The following SDHC variants were observed in gnomAD, a reference collection of about 807,000 sequenced individuals.
The protein encoded by SDHC is succinate dehydrogenase cytochrome b560 subunit, mitochondrial.
In SDHC, 11 loss-of-function variants were observed where a neutral mutation model predicts 22.6. The ratio of observed to expected loss-of-function variants is 0.49; its 90% confidence interval spans 0.31 to 0.81. SDHC has a LOEUF of 0.81. SDHC is among the 30% of genes least tolerant of loss of function. The pLI is 0.05. For missense variants in SDHC, 160 were observed against 212.0 expected, an observed-to-expected ratio of 0.75 and a Z score of 1.52; for synonymous variants, 80 against 77.8, an observed-to-expected ratio of 1.03 and a Z score of -0.15.
In SDHC at chr1:161,329,300, A is replaced by C. The variant is rs367681728; in HGVS notation, c.179+803A>C. On this transcript the variant is annotated intron_variant, in intron 3 of 5. Coordinates refer to ENST00000367975, the MANE Select transcript of SDHC (RefSeq NM_003001.5). ...AAGAAGAAGTTGCAATGATGATGAT[A>C]TCCAAGTATTATTCCTGTATTTGTT... Among the ~76,000 whole-genome samples, 8 of 152,160 alleles carry C rather than the reference A, an allele frequency of 5.3e-5. No homozygotes were observed. The East Asian group carries it at 1.4e-3, about 26-fold the overall frequency.
chr1:161,338,267 G>T (rs1304248316), intron 3 of SDHC, among the ~76,000 whole-genome samples: 1 of 151,940 alleles, frequency 6.6e-6, no homozygotes, highest in Admixed American at 6.6e-5. Flanking sequence ...TATCTAGTTA[G>T]TATTAATATT....
At chr1:161,322,443 C>T (rs1222291605) in intron 1 of SDHC, among the ~76,000 whole-genome samples, 1 of 152,098 alleles carries the variant, frequency 6.6e-6, no homozygotes, top group African/African-American at 2.4e-5. Context: ...GACTTTTTGA[C>T]TTGAAATTCA....
chr1:161,319,657 G>C (rs1670770425), intron 1 of SDHC, among the ~76,000 whole-genome samples: 1 of 152,084 alleles, frequency 6.6e-6, no homozygotes. Context: ...ATGTCGGCCA[G>C]GCTTGTCTCA....
At chr1:161,317,948 C>T (rs185828240) in intron 1 of SDHC, among the ~76,000 whole-genome samples, 3,135 of 151,952 alleles carry the variant, frequency 0.021, 100 homozygotes, top group African/African-American at 0.072. Context: ...CTGAGGCTGT[C>T]AGATCACAAG....
At chr1:161,352,236 G>T (rs1422597457) in intron 4 of SDHC, among the ~76,000 whole-genome samples, 1 of 152,184 alleles carries the variant, frequency 6.6e-6, no homozygotes, top group Non-Finnish European at 1.5e-5. Context: ...TTCACTTGTA[G>T]TGATGAAAGC....
At chr1:161,337,425 C>T (rs1671536715) in intron 3 of SDHC, among the ~76,000 whole-genome samples, 1 of 152,120 alleles carries the variant, frequency 6.6e-6, no homozygotes, top group South Asian at 2.1e-4. Flanking sequence ...GGTTTCCACA[C>T]AGCATGAGGA....
At chr1:161,314,446 A>T in intron 1 of SDHC, 21 bp downstream of exon 1, 1 of 1,613,796 alleles carries the variant, frequency 6.2e-7, no homozygotes, top group Non-Finnish European at 8.5e-7. Context: ...TGGGACTGGG[A>T]GTTGGTGCCT....
chr1:161,321,117 G>C (rs564850879), intron 1 of SDHC, among the ~76,000 whole-genome samples: 1 of 152,094 alleles, frequency 6.6e-6, no homozygotes, highest in Non-Finnish European at 1.5e-5. Flanking sequence ...GAGCCATCGC[G>C]CCCGGCCCAG....
intron 1 of SDHC, among the ~76,000 whole-genome samples, chr1:161,315,125 A>T (rs1401573752): frequency 6.6e-6 from 1 of 152,206 alleles, no homozygotes; most frequent in Non-Finnish European, 1.5e-5. Context: ...TCTAGGTCTC[A>T]TTCTCTGCTC....
At chr1:161,355,984 CAAAAA>C (rs60684612) in intron 4 of SDHC, among the ~76,000 whole-genome samples, 2 of 88,364 alleles carry the variant, frequency 2.3e-5, no homozygotes, top group Non-Finnish European at 2.4e-5. Flanking sequence ...GACTCTGTCT[CAAAAA>C]AAAAAAAAAA....
intron 3 of SDHC, among the ~76,000 whole-genome samples, chr1:161,332,851 T>C (rs1236711445): frequency 6.6e-6 from 1 of 152,166 alleles, no homozygotes; most frequent in Non-Finnish European, 1.5e-5. Flanking sequence ...CAGGCTGGTC[T>C]TGAACTCCTG....
intron 4 of SDHC, among the ~76,000 whole-genome samples, chr1:161,356,325 G>A (rs189276020): frequency 6.6e-6 from 1 of 152,068 alleles, no homozygotes; most frequent in African/African-American, 2.4e-5. Flanking sequence ...GATCACTTGA[G>A]GTCAGGAGTT....
intron 4 of SDHC, among the ~76,000 whole-genome samples, chr1:161,354,625 T>C (rs1391217761): frequency 1.3e-5 from 2 of 151,894 alleles, no homozygotes; most frequent in African/African-American, 2.4e-5. Flanking sequence ...TTCTTTTTTT[T>C]TTTTTAATTC....
At chr1:161,350,331 G>A (rs564108048) in intron 4 of SDHC, among the ~76,000 whole-genome samples, 3 of 152,294 alleles carry the variant, frequency 2.0e-5, no homozygotes, top group South Asian at 4.1e-4. Context: ...GATTACAGGC[G>A]TGAGCCACCA....
At chr1:161,333,085 TA>T (rs1451668409) in intron 3 of SDHC, among the ~76,000 whole-genome samples, 1 of 152,268 alleles carries the variant, frequency 6.6e-6, no homozygotes, top group Non-Finnish European at 1.5e-5. Flanking sequence ...AATGTAGTGA[TA>T]AAATATGTGG....
intron 3 of SDHC, among the ~76,000 whole-genome samples, chr1:161,330,073 C>T (rs1671219661): frequency 6.6e-6 from 1 of 152,188 alleles, no homozygotes; most frequent in Non-Finnish European, 1.5e-5. Flanking sequence ...GGGATTAATA[C>T]ATTGACACCT....
chr1:161,360,968 C>T (rs1026582192), intron 5 of SDHC, among the ~76,000 whole-genome samples: 3 of 152,008 alleles, frequency 2.0e-5, no homozygotes, highest in Non-Finnish European at 4.4e-5. Flanking sequence ...CAAAAATTAG[C>T]TTGGCATGGT....
chr1:161,316,206 G>GC (rs1171139670), intron 1 of SDHC, among the ~76,000 whole-genome samples: 1 of 152,030 alleles, frequency 6.6e-6, no homozygotes, highest in Non-Finnish European at 1.5e-5. Flanking sequence ...TTCCTCTTTT[G>GC]CTAATCCTCT....
rs1245073253 is a variant in SDHC at position 161,339,597 on chromosome 1, C to T, written c.180-997C>T. On this transcript the variant is annotated intron_variant, in intron 3 of 5. Transcript: ENST00000367975. ...GATGCAGTCTGGTAAAGGTAGGGAT[C>T]CTTCTCCATAAATCAGTTTTCTTTA... 3 of 1,223,804 alleles carry T rather than the reference C, an allele frequency of 2.5e-6. No individual in the cohort carries two copies. The South Asian group carries it at 3.9e-5, about 16-fold the overall frequency. 75.8% of individuals were successfully genotyped at this position (1,223,804 alleles called of 1,614,324 possible).
Sources: allele counts gnomAD v4.1 joint callset (sites outside exome capture counted in the v4.1 genomes callset), GRCh38; gene constraint gnomAD v4.1.1; transcripts MANE v1.5; gene names NCBI Gene and HGNC (gene_info 2026-07-23, HGNC 2026-07-21).